The following CNOT9 variants were observed in gnomAD, a reference collection of about 807,000 sequenced individuals.
CNOT9 encodes CCR4-NOT transcription complex subunit 9.
In CNOT9, 8 loss-of-function variants were observed where a neutral mutation model predicts 37.4. The observed-to-expected ratio is 0.21, with a 90% CI of 0.13 to 0.39. CNOT9 has a LOEUF of 0.39. Ranked by LOEUF, CNOT9 falls within the 10% of genes least tolerant of loss-of-function variation. The probability of loss-of-function intolerance (pLI) is 1.00; values close to 1 mark genes in which losing one functional copy is unlikely to be tolerated. For missense variants in CNOT9, 154 were observed against 365.3 expected, an observed-to-expected ratio of 0.42 and a Z score of 4.71; for synonymous variants, 120 against 137.6, an observed-to-expected ratio of 0.87 and a Z score of 0.90.
chr2:218,574,906 A>G (rs1694113969), intron 1 of CNOT9, among the ~76,000 whole-genome samples: 1 of 152,194 alleles, frequency 6.6e-6, no homozygotes, highest in African/African-American at 2.4e-5. Context: ...TGAAGCGTAC[A>G]CTTAAAATGA....
chr2:218,580,952 G>T (rs1393883321), intron 2 of CNOT9: 6 of 646,922 alleles, frequency 9.3e-6, no homozygotes, highest in Middle Eastern at 2.5e-4. Flanking sequence ...TCTGAGGTGG[G>T]CCCTATAATC....
At chr2:218,574,489 G>A (rs917417184) in intron 1 of CNOT9, among the ~76,000 whole-genome samples, 5 of 152,120 alleles carry the variant, frequency 3.3e-5, no homozygotes, top group African/African-American at 1.2e-4. Context: ...GGGTTCTTAA[G>A]AGTAATTTCT....
At chr2:218,590,410 A>G (rs1694733813) in intron 5 of CNOT9, among the ~76,000 whole-genome samples, 1 of 152,250 alleles carries the variant, frequency 6.6e-6, no homozygotes, top group South Asian at 2.1e-4. Context: ...AATTCAAGGT[A>G]CACTTAAGAT....
rs568127972 is a variant in CNOT9 at position 218,585,405 on chromosome 2, T to TA, written c.430+691dup. Among the ~76,000 whole-genome samples the TA allele has an allele frequency of 6.1e-4, 93 of 151,618 alleles. 3 individuals carry two copies. The South Asian group carries it at 0.018, about 30-fold the overall frequency. ...CATCTACTTTTTTTTTAGTCTCTAC[T>TA]AAAAAAATAATGCAAAAATCAGCCG... On this transcript the variant is annotated intron_variant, in intron 4 of 7. Coordinates refer to ENST00000273064, the MANE Select transcript of CNOT9 (RefSeq NM_005444.3).
intron 1 of CNOT9, among the ~76,000 whole-genome samples, chr2:218,569,962 C>T (rs1046545879): frequency 1.3e-5 from 2 of 152,166 alleles, no homozygotes; most frequent in Non-Finnish European, 1.5e-5. Context: ...GTAGAGTACC[C>T]TTTACAGCCC....
rs1254901494 is a variant in CNOT9 at position 218,594,382 on chromosome 2, A to G, written c.*106A>G. 3 of 1,246,580 alleles carry G rather than the reference A, an allele frequency of 2.4e-6. No homozygotes were observed. Among genetic ancestry groups the G allele is most frequent in the African/African-American group, 3.0e-5 (2 of 67,046 alleles). 77.2% of individuals were successfully genotyped at this position (1,246,580 alleles called of 1,614,324 possible). A position where few individuals can be genotyped will look rare whatever the true frequency, so the allele number is the denominator to read the frequency against. On this transcript the variant is annotated 3_prime_UTR_variant, in exon 8 of 8. Transcript: ENST00000273064. ...CACCGACTGGGAATAGACAACCTCA[A>G]TGCTGAACCGCACTGGAGAAAAGGG...
At chr2:218,580,181 C>T (rs1329018118) in intron 1 of CNOT9, among the ~76,000 whole-genome samples, 1 of 151,990 alleles carries the variant, frequency 6.6e-6, no homozygotes, top group Non-Finnish European at 1.5e-5. Flanking sequence ...GTTGGCCAGG[C>T]TGGTCTCAAA....
intron 1 of CNOT9, 128 bp downstream of exon 1, chr2:218,569,106 G>A (rs1274817990): frequency 3.0e-6 from 3 of 987,660 alleles, no homozygotes; most frequent in East Asian, 2.9e-5. Flanking sequence ...CCAAGGCCCC[G>A]GTTCCCCTCC....
At chr2:218,578,438 T>A (rs1694244714) in intron 1 of CNOT9, among the ~76,000 whole-genome samples, 2 of 152,208 alleles carry the variant, frequency 1.3e-5, no homozygotes, top group South Asian at 4.1e-4. Flanking sequence ...CAAAGGCAGT[T>A]CTTTGTGTTC....
chr2:218,579,631 C>T lies in CNOT9; in HGVS notation c.25-930C>T, dbSNP rs546671369. Among the ~76,000 whole-genome samples, 273 of 151,992 alleles carry T rather than the reference C, an allele frequency of 1.8e-3. 1 individual carries two copies. The highest frequency in any genetic ancestry group is 6.9e-3 in the South Asian group (33 of 4,808). ...CCTCCAGAGTAGCTGGGACTACAGG[C>T]GCCTGCCACCACGCCCAGCTAATTT... On this transcript the variant is annotated intron_variant, in intron 1 of 7. Transcript: ENST00000273064.
Position 218,596,328 on chromosome 2 carries a change from T to C in CNOT9, c.*2052T>C, listed in dbSNP as rs1342376402. ...GGGTATTATTCATTGTAGTTGATCCTGGTGTGTGTATTATATAAAGAGACC... is the reference window on the plus strand; with the variant it reads ...GGGTATTATTCATTGTAGTTGATCCCGGTGTGTGTATTATATAAAGAGACC... On this transcript the variant is annotated 3_prime_UTR_variant, in exon 8 of 8. Coordinates refer to ENST00000273064, the MANE Select transcript of CNOT9 (RefSeq NM_005444.3). 2.0e-5 allele frequency: 3 copies of C among 152,212 alleles called. No individual in the cohort carries two copies. The highest frequency in any genetic ancestry group is 4.4e-5 in the Non-Finnish European group (3 of 68,050). 9.4% of individuals were successfully genotyped at this position (152,212 alleles called of 1,614,324 possible).
chr2:218,569,040 T>C, intron 1 of CNOT9, 62 bp downstream of exon 1: 1 of 1,578,346 alleles, frequency 6.3e-7, no homozygotes, highest in Non-Finnish European at 8.7e-7. Flanking sequence ...GTTTCGGCCT[T>C]CTCTCCTAAT....
chr2:218,591,317 A>T (rs988086973), intron 5 of CNOT9, among the ~76,000 whole-genome samples: 14 of 152,238 alleles, frequency 9.2e-5, no homozygotes, highest in African/African-American at 3.4e-4. Flanking sequence ...TGTAAGAGCT[A>T]ATGAGCTCAA....
At chr2:218,585,241 ACT>A (rs1694549823) in intron 4 of CNOT9, among the ~76,000 whole-genome samples, 1 of 24,074 alleles carries the variant, frequency 4.2e-5, no homozygotes. Context: ...TGTTTGTCTT[ACT>A]TCTAATACCG....
chr2:218,594,044 C>A, intron 7 of CNOT9, 64 bp from the exon 8 acceptor site: 1 of 1,509,400 alleles, frequency 6.6e-7, no homozygotes, highest in East Asian at 2.3e-5. Flanking sequence ...GGGGCTCTTC[C>A]CTGTCCACAA....
chr2:218,593,942 C>T, intron 7 of CNOT9, 166 bp from the exon 8 acceptor site: 1 of 964,742 alleles, frequency 1.0e-6, no homozygotes, highest in Non-Finnish European at 1.5e-6. Context: ...TTGGAGATCT[C>T]TAAGCCTATG....
At chr2:218,571,738 AT>A (rs34883423) in intron 1 of CNOT9, among the ~76,000 whole-genome samples, 36,501 of 122,574 alleles carry the variant, frequency 0.3, 5,345 homozygotes, top group Non-Finnish European at 0.37. Flanking sequence ...CGCCTGGCTA[AT>A]TTTTTTTTTT....
intron 4 of CNOT9, 73 bp downstream of exon 4, chr2:218,584,794 C>G (rs577961720): frequency 9.2e-7 from 1 of 1,090,718 alleles, no homozygotes; most frequent in South Asian, 1.3e-5. Flanking sequence ...TTTGTCTTGC[C>G]GGTTATGATT....
At position 218,592,800 on chromosome 2, in the gene CNOT9, GGA is replaced by G; in HGVS notation, c.731+94_731+95del. On this transcript the variant is annotated intron_variant, in intron 7 of 7. Coordinates refer to ENST00000273064, the MANE Select transcript of CNOT9 (RefSeq NM_005444.3). This position sits in a 1 kb window ranked among gnomAD's most constrained non-coding sequence, Gnocchi z 4.1. ...CATAGCTCCTGTGTCTTTAGGACAGGGAAGTGGGGATATAACTGCATTTAGTT... is the reference window on the plus strand; with the variant it reads ...CATAGCTCCTGTGTCTTTAGGACAGGAGTGGGGATATAACTGCATTTAGTT... The G allele has an allele frequency of 8.3e-6, 8 of 959,488 alleles. No homozygotes were observed. Among genetic ancestry groups the G allele is most frequent in the Non-Finnish European group, 1.3e-5 (8 of 602,866 alleles). 59.4% of individuals were successfully genotyped at this position (959,488 alleles called of 1,614,324 possible). A position where few individuals can be genotyped will look rare whatever the true frequency, so the allele number is the denominator to read the frequency against.
Sources: allele counts gnomAD v4.1 joint callset (sites outside exome capture counted in the v4.1 genomes callset), GRCh38; gene constraint gnomAD v4.1.1; non-coding constraint Gnocchi (gnomAD v3.1); transcripts MANE v1.5; gene names NCBI Gene and HGNC (gene_info 2026-07-23, HGNC 2026-07-21).